The following PDGFRB variants were observed in gnomAD, a reference collection of about 807,000 sequenced individuals.
PDGFRB encodes the protein platelet derived growth factor receptor beta.
In PDGFRB, 42 loss-of-function variants were observed where a neutral mutation model predicts 120.2. The ratio of observed to expected loss-of-function variants is 0.35; its 90% CI spans 0.27 to 0.45. The LOEUF (loss-of-function observed/expected upper bound fraction) is 0.45, where lower values mean the gene tolerates loss of function less well. PDGFRB is among the 20% of genes least tolerant of loss of function. The pLI is 1.00. For synonymous variants in PDGFRB, 586 were observed against 606.8 expected, an observed-to-expected ratio of 0.97 and a Z score of 0.50; for missense variants, 1,149 against 1,476.3, an observed-to-expected ratio of 0.78 and a Z score of 3.63.
At position 150,129,903 on chromosome 5, in the gene PDGFRB, G is replaced by A. The variant is rs1386853940; in HGVS notation, c.1433C>T (p.Thr478Ile). 2 of 1,614,072 alleles carry A rather than the reference G, an allele frequency of 1.2e-6. No individual in the cohort carries two copies. Among genetic ancestry groups the A allele is most frequent in the African/African-American group, 1.3e-5 (1 of 74,950 alleles). ...NSSEEESQLE[T>I]NVTYWEEEQE... ...CTCCTCCTCCCAGTACGTCACGTTA[G>A]TCTCCAGCTGGCTCTCCTCTTCGGA... Residue 478 changes from threonine (T) to isoleucine (I), a missense_variant, in exon 10 of 23, where the codon ACT (threonine) becomes ATT (isoleucine). Thr to Ile is a moderately conservative substitution (Grantham distance 89, BLOSUM62 -1). Around this residue, in one of 3 missense-constraint regions of PDGFRB, gnomAD observed 879 missense variants for 1,108.6 expected, o/e 0.79. Coordinates refer to ENST00000261799, the MANE Select transcript of PDGFRB (RefSeq NM_002609.4).
rs367951719 is a variant in PDGFRB, at chr5:150,125,476, C to G, written c.1776G>C (p.Thr592=). 3 of 1,613,056 alleles carry G rather than the reference C, an allele frequency of 1.9e-6. No individual in the cohort carries two copies. In the African/African-American group the frequency reaches 4.0e-5, roughly 22 times the overall value. ...CAAGCTGGTCCCGCGGCAGCTCCCA[C>G]GTGGAGTCATAGGGCAGCTGCATGG... The part of the protein sequence containing the change: ...VDPMQLPYDS[T]WELPRDQLVL... The change falls in exon 12 of 23, where the codon ACG becomes ACC. Residue 592 remains threonine, a synonymous_variant. Transcript: ENST00000261799.
rs990114406 is a variant in PDGFRB at position 150,155,754 on chromosome 5, C to T, written c.-364G>A. On this transcript the variant is annotated 5_prime_UTR_variant, in exon 1 of 23. Coordinates refer to ENST00000261799, the MANE Select transcript of PDGFRB (RefSeq NM_002609.4). ...GCAGCAGGGCTGAGGGGCCGGCTCT[C>T]TCCTCCTCCTTGTTGATCTCCTCTC... 7.5e-6 allele frequency: 3 copies of T among 398,664 alleles called. No individual in the cohort carries two copies. The highest frequency in any genetic ancestry group is 1.3e-5 in the Non-Finnish European group (3 of 226,136). 24.7% of individuals were successfully genotyped at this position (398,664 alleles called of 1,614,324 possible). A position where few individuals can be genotyped will look rare whatever the true frequency, so the allele number is the denominator to read the frequency against.
At chr5:150,151,982 A>T (rs1188429993) in intron 1 of PDGFRB, among the ~76,000 whole-genome samples, 1 of 151,730 alleles carries the variant, frequency 6.6e-6, no homozygotes, top group East Asian at 1.9e-4. Flanking sequence ...GCTTAGGCTC[A>T]CTGCAATCTC....
chr5:150,140,860 A>G (rs1308671489), intron 1 of PDGFRB, among the ~76,000 whole-genome samples: 2 of 152,144 alleles, frequency 1.3e-5, no homozygotes, highest in Non-Finnish European at 2.9e-5. Flanking sequence ...TCCTCCCAGC[A>G]CGTACAATTC....
chr5:150,143,918 C>G (rs966569966), intron 1 of PDGFRB, among the ~76,000 whole-genome samples: 1 of 152,154 alleles, frequency 6.6e-6, no homozygotes, highest in Non-Finnish European at 1.5e-5. Context: ...AGCAGCCCGG[C>G]GCAGCCCACT....
rs781058044 is a variant in PDGFRB, at chr5:150,134,803, G to A, written c.578C>T (p.Thr193Ile). The change falls in exon 4 of 23, where the codon ACC becomes ATC. Residue 193 changes from threonine to isoleucine, a missense_variant. This residue lies in a region of PDGFRB where 879 missense variants were observed against 1,108.6 expected (regional missense o/e 0.79). Transcript: ENST00000261799. The stretch of plus-strand genomic sequence containing the variant: ...AGAATCCACCTCCCTGTCCCCAATG[G>A]TGGTTTTGCAGATGTAGCTTCTGTC... ...FEDRSYICKT[T>I]IGDREVDSDA... The A allele has an allele frequency of 2.5e-6, 4 of 1,614,174 alleles. No individual in the cohort carries two copies. The highest frequency in any genetic ancestry group is 2.2e-5 in the East Asian group (1 of 44,886).
chr5:150,127,062 T>A (rs1050512330), intron 10 of PDGFRB, among the ~76,000 whole-genome samples: 7 of 152,162 alleles, frequency 4.6e-5, no homozygotes, highest in African/African-American at 7.2e-5. Flanking sequence ...CCTGACCGAG[T>A]GGCCGGTGGA....
intron 8 of PDGFRB, among the ~76,000 whole-genome samples, 187 bp from the exon 9 acceptor site, chr5:150,130,849 G>A (rs752407187): frequency 2.6e-5 from 4 of 152,114 alleles, no homozygotes; most frequent in South Asian, 2.1e-4. Flanking sequence ...CAAAGGGAAC[G>A]CCTCAGCAGG....
chr5:150,154,908 C>T (rs1223932320), intron 1 of PDGFRB, among the ~76,000 whole-genome samples: 1 of 152,214 alleles, frequency 6.6e-6, no homozygotes, highest in Non-Finnish European at 1.5e-5. Context: ...TTTGCAAATC[C>T]ATTTAAATCC....
At position 150,132,608 on chromosome 5, in the gene PDGFRB, G is replaced by T; in HGVS notation, c.1127+142C>A. The T allele has an allele frequency of 1.4e-6, 1 of 714,822 alleles. No homozygotes were observed. Among genetic ancestry groups the T allele is most frequent in the South Asian group, 1.9e-5 (1 of 53,608 alleles). 44.3% of individuals were successfully genotyped at this position (714,822 alleles called of 1,614,324 possible). A position where few individuals can be genotyped will look rare whatever the true frequency, so the allele number is the denominator to read the frequency against. The stretch of plus-strand genomic sequence containing the variant: ...CTAGGAGGGATGAACTGTCAGCTCT[G>T]GTCGCTGCAGCATCCCCAGCACCTG... On this transcript the variant is annotated intron_variant, in intron 7 of 22. Transcript: ENST00000261799. This position sits in a 1 kb window ranked among gnomAD's most constrained non-coding sequence, Gnocchi z 5.0.
At chr5:150,129,087 G>A (rs1177174332) in intron 10 of PDGFRB, among the ~76,000 whole-genome samples, 1 of 152,208 alleles carries the variant, frequency 6.6e-6, no homozygotes, top group Non-Finnish European at 1.5e-5. Flanking sequence ...GCAGGCACAT[G>A]TGTACGGGAA....
intron 1 of PDGFRB, among the ~76,000 whole-genome samples, chr5:150,149,067 A>G (rs1761003203): frequency 1.3e-5 from 2 of 152,168 alleles, no homozygotes; most frequent in African/African-American, 2.4e-5. Flanking sequence ...TTTTCTCTGG[A>G]CCACCAACTT....
intron 1 of PDGFRB, among the ~76,000 whole-genome samples, chr5:150,142,860 A>G (rs572405883): frequency 6.6e-6 from 1 of 152,308 alleles, no homozygotes; most frequent in African/African-American, 2.4e-5. Flanking sequence ...CTCTTAAAAT[A>G]TCTTACTGTA....
In PDGFRB at chr5:150,132,938, G is replaced by T. The variant is rs1425452203; in HGVS notation, c.939C>A (p.Ser313Arg). The T allele has an allele frequency of 1.3e-6, 2 of 1,556,898 alleles. No individual in the cohort carries two copies. Among genetic ancestry groups the T allele is most frequent in the Non-Finnish European group, 1.7e-6 (2 of 1,150,994 alleles). Residue 313 changes from serine to arginine, a missense_variant, in exon 7 of 23, where the codon AGC becomes AGA. Physicochemically the swap from Ser to Arg is moderately radical, Grantham distance 110. Coordinates refer to ENST00000261799, the MANE Select transcript of PDGFRB (RefSeq NM_002609.4). The surrounding 1 kb of genome is among the most constrained non-coding windows in gnomAD (Gnocchi z 5.0). ...CCTCTCCCAGGAGCCGCACGTAGCC[G>T]CTCTCTGCAAGGGGTGACCGTCAGG... Reference protein sequence around the residue: ...EKAINITVVESGYVRLLGEVG... With the variant: ...EKAINITVVERGYVRLLGEVG...
rs562191025 is a variant in PDGFRB at position 150,119,235 on chromosome 5, G to A, written c.2798+232C>T. Among the ~76,000 whole-genome samples the A allele has an allele frequency of 3.3e-5, 5 of 152,326 alleles. No homozygotes were observed. The East Asian group carries it at 9.6e-4, about 29-fold the overall frequency. Reference sequence around the variant, plus strand: ...AGTAGGACATGAGACTGGCACTGCTGGTAGCCATTTGGGCAATGCTGGCCT... The same window carrying A: ...AGTAGGACATGAGACTGGCACTGCTAGTAGCCATTTGGGCAATGCTGGCCT... On this transcript the variant is annotated intron_variant, in intron 20 of 22. Coordinates refer to ENST00000261799, the MANE Select transcript of PDGFRB (RefSeq NM_002609.4).
At position 150,135,803 on chromosome 5, in the gene PDGFRB, C is replaced by T; in HGVS notation, c.116G>A (p.Gly39Glu). The T allele has an allele frequency of 1.3e-6, 2 of 1,593,060 alleles. No homozygotes were observed. Among genetic ancestry groups the T allele is most frequent in the Non-Finnish European group, 1.7e-6 (2 of 1,169,400 alleles). The change falls in exon 3 of 23, where the codon GGG (glycine) becomes GAG (glutamate). Residue 39 changes from glycine (G) to glutamate (E), a missense_variant. By Grantham distance (98) the Gly-to-Glu change is moderately conservative (BLOSUM62 -2). Coordinates refer to ENST00000261799, the MANE Select transcript of PDGFRB (RefSeq NM_002609.4). Reference sequence around the variant, plus strand: ...GGAGACATTGAGGACAAGCTCTGGCCCCGGGGGTGTGACGACCAGGCCCTG... The same window carrying T: ...GGAGACATTGAGGACAAGCTCTGGCTCCGGGGGTGTGACGACCAGGCCCTG... Reference protein sequence around the residue: ...ISQGLVVTPPGPELVLNVSST... With the variant: ...ISQGLVVTPPEPELVLNVSST...
chr5:150,139,499 TGTTTTGAGG>T (rs879464633), intron 1 of PDGFRB, among the ~76,000 whole-genome samples: 8,340 of 151,636 alleles, frequency 0.055, 764 homozygotes, highest in African/African-American at 0.19. Flanking sequence ...CTTACCGGGG[TGTTTTGAGG>T]AGGTGGGGGC....
chr5:150,130,941 C>G (rs1760449673), intron 8 of PDGFRB, among the ~76,000 whole-genome samples: 1 of 152,180 alleles, frequency 6.6e-6, no homozygotes, highest in Non-Finnish European at 1.5e-5. Context: ...AAGCTCAGAA[C>G]CCTGGGCCAC....
At chr5:150,117,531 C>CT (rs1759979455) in intron 22 of PDGFRB, 87 bp downstream of exon 22, 2 of 573,402 alleles carry the variant, frequency 3.5e-6, no homozygotes, top group Admixed American at 6.4e-5. Context: ...CCTGGCAGCG[C>CT]GCGCGCGCGC....
Sources: gnomAD v4.1 joint callset for allele counts (sites outside exome capture counted in the v4.1 genomes callset) on GRCh38, gnomAD v4.1.1 for gene constraint, gnomAD v4.1.1 regional missense constraint, Gnocchi (gnomAD v3.1) non-coding constraint, MANE v1.5 for transcripts, NCBI Gene and HGNC (gene_info 2026-07-23, HGNC 2026-07-21) for gene names.